The following KIF18A variants were observed in gnomAD, a reference collection of about 807,000 sequenced individuals.
The protein encoded by KIF18A is kinesin family member 18A.
Under a neutral mutation model 103.3 loss-of-function variants are expected in KIF18A, and 67 were observed. The ratio of observed to expected loss-of-function variants is 0.65; its 90% CI spans 0.53 to 0.79. The LOEUF (loss-of-function observed/expected upper bound fraction) is 0.79, where lower values mean the gene tolerates loss of function less well. Ranked by LOEUF, KIF18A falls within the 30% of genes least tolerant of loss-of-function variation. KIF18A has a pLI of 0.00. For missense variants in KIF18A, 1,032 were observed against 1,062.5 expected (o/e 0.97, Z 0.40); for synonymous variants, 367 against 355.5 (o/e 1.03, Z -0.36).
intron 15 of KIF18A, 101 bp from the exon 16 acceptor site, chr11:28,023,951 A>C (rs781324900): frequency 2.0e-5 from 11 of 542,498 alleles, no homozygotes; most frequent in Admixed American, 3.5e-5. Flanking sequence ...ATAAAACACA[A>C]AAATATTAAG....
At chr11:28,023,701 A>G (rs1450092175) in intron 16 of KIF18A, 40 bp downstream of exon 16, 4 of 1,118,998 alleles carry the variant, frequency 3.6e-6, no homozygotes, top group Middle Eastern at 2.0e-4. Flanking sequence ...TGTGTTACAG[A>G]GTCATACCAT....
chr11:28,035,550 G>T, intron 14 of KIF18A, 56 bp from the exon 15 acceptor site: 1 of 1,036,936 alleles, frequency 9.6e-7, no homozygotes. Flanking sequence ...ACTATGAAGA[G>T]AAAAGGAAGC....
At chr11:28,097,494 AATTTC>A (rs1851389530) in intron 2 of KIF18A, 124 bp downstream of exon 2, 1 of 705,502 alleles carries the variant, frequency 1.4e-6, no homozygotes, top group African/African-American at 1.8e-5. Context: ...AAGTCTATTG[AATTTC>A]TTAAGAATTT....
chr11:28,051,819 G>A (rs890966016), intron 13 of KIF18A, among the ~76,000 whole-genome samples: 1 of 151,850 alleles, frequency 6.6e-6, no homozygotes, highest in Non-Finnish European at 1.5e-5. Context: ...CTTCTCTCCT[G>A]AACTTCAGAT....
chr11:28,101,172 C>G (rs1351244388), intron 1 of KIF18A, among the ~76,000 whole-genome samples: 1 of 152,016 alleles, frequency 6.6e-6, no homozygotes, highest in Non-Finnish European at 1.5e-5. Flanking sequence ...TAGAACTGCC[C>G]TATTAGAGGA....
At chr11:28,087,590 GGC>G (rs1404526567) in intron 6 of KIF18A, among the ~76,000 whole-genome samples, 2 of 151,874 alleles carry the variant, frequency 1.3e-5, no homozygotes, top group Non-Finnish European at 2.9e-5. Flanking sequence ...TAATTCTTTG[GGC>G]GTATATACCC....
rs1215472953 is a variant in KIF18A, at chr11:28,082,975, G to A, written c.1150-7C>T. On this transcript the variant is annotated splice_polypyrimidine_tract_variant and splice_region_variant and intron_variant, in intron 8 of 16. Transcript: ENST00000263181. ...TTTCTTTTAACAATAAAATCTAGTA[G>A]AGAGAAATCACTAGTTAAAATACAA... 6.5e-7 allele frequency: 1 copy of A among 1,531,260 alleles called. No individual in the cohort carries two copies. 94.9% of individuals were successfully genotyped at this position (1,531,260 alleles called of 1,614,324 possible).
intron 1 of KIF18A, among the ~76,000 whole-genome samples, chr11:28,103,791 C>T (rs1258184148): frequency 6.6e-6 from 1 of 151,714 alleles, no homozygotes; most frequent in African/African-American, 2.4e-5. Context: ...CAATAGTTGA[C>T]AACAACAGGC....
At chr11:28,104,862 T>C (rs931865742) in intron 1 of KIF18A, among the ~76,000 whole-genome samples, 11 of 152,174 alleles carry the variant, frequency 7.2e-5, no homozygotes, top group Non-Finnish European at 1.5e-4. Flanking sequence ...TATATGTATA[T>C]GCATGGTCAT....
At chr11:28,096,994 G>A (rs1851384310) in intron 2 of KIF18A, among the ~76,000 whole-genome samples, 1 of 151,894 alleles carries the variant, frequency 6.6e-6, no homozygotes, top group Non-Finnish European at 1.5e-5. Flanking sequence ...TAATTAACAT[G>A]GGATCTTAAC....
At chr11:28,048,336 C>T (rs770480154) in intron 13 of KIF18A, among the ~76,000 whole-genome samples, 5 of 152,004 alleles carry the variant, frequency 3.3e-5, no homozygotes, top group African/African-American at 4.8e-5. Context: ...AATGGGGTGT[C>T]GCTTGTAATA....
chr11:28,061,244 T>C (rs746344612), intron 12 of KIF18A, among the ~76,000 whole-genome samples: 7 of 152,202 alleles, frequency 4.6e-5, no homozygotes, highest in Non-Finnish European at 2.9e-5. Context: ...AATCTATTTT[T>C]ATATAAGAAA....
At position 28,090,785 on chromosome 11, in the gene KIF18A, T is replaced by G. The variant is rs898942519; in HGVS notation, c.589-58A>C. 1.1e-5 allele frequency: 9 copies of G among 802,362 alleles called. No homozygotes were observed. The African/African-American group carries it at 1.6e-4, about 14-fold the overall frequency. 49.7% of individuals were successfully genotyped at this position (802,362 alleles called of 1,614,324 possible). On this transcript the variant is annotated intron_variant, in intron 4 of 16. Coordinates refer to ENST00000263181, the MANE Select transcript of KIF18A (RefSeq NM_031217.4). ...AATCAGCAATATATCTTTAAATTTT[T>G]CAATAAATGTTCAAAAAACAAAAAG...
chr11:28,088,616 CG>C lies in KIF18A; in HGVS notation c.804del (p.Gly269ValfsTer8), dbSNP rs771773713. On this transcript the variant is annotated frameshift_variant, in exon 6 of 17. Coordinates refer to ENST00000263181, the MANE Select transcript of KIF18A (RefSeq NM_031217.4). LOFTEE classifies it high-confidence loss of function. The stretch of plus-strand genomic sequence containing the variant: ...TCTACAAATCGGGTCCCCTTAGCAC[CG>C]GAAGTACTTGCTCGCTCAGATCCTG... ...DLAGSERAST[S>X]GAKGTRFVEG... 1 of 1,613,906 alleles carries C rather than the reference CG, an allele frequency of 6.2e-7. No individual in the cohort carries two copies. The highest frequency in any genetic ancestry group is 1.1e-5 in the South Asian group (1 of 91,070).
chr11:28,068,885 C>T (rs992741885), intron 11 of KIF18A, among the ~76,000 whole-genome samples: 1 of 152,088 alleles, frequency 6.6e-6, no homozygotes. Flanking sequence ...AAAATAAAAC[C>T]TTTTGCCATT....
Position 28,077,145 on chromosome 11 carries a change from C to T in KIF18A, c.1287G>A (p.Leu429=). The change falls in exon 10 of 17, where the codon TTG becomes TTA. Residue 429 remains leucine (L), a synonymous_variant. Transcript: ENST00000263181. ...GTCTAATTTCTTCTCGATTCTGGAA[C>T]AAGCAGTTCAGGATTTCTTGAAACC... ...IERFQEILNC[L]FQNREEIRQE... 6.3e-7 allele frequency: 1 copy of T among 1,575,818 alleles called. No homozygotes were observed. The highest frequency in any genetic ancestry group is 2.3e-5 in the East Asian group (1 of 43,622).
intron 15 of KIF18A, among the ~76,000 whole-genome samples, chr11:28,030,836 A>G (rs1850390300): frequency 6.7e-6 from 1 of 150,206 alleles, no homozygotes; most frequent in Non-Finnish European, 1.5e-5. Flanking sequence ...AATTTACAAG[A>G]AAAAAACAAA....
At chr11:28,050,449 T>C (rs1437048662) in intron 13 of KIF18A, among the ~76,000 whole-genome samples, 1 of 151,870 alleles carries the variant, frequency 6.6e-6, no homozygotes, top group African/African-American at 2.4e-5. Context: ...AGATTTCCTA[T>C]CTTTCAAATG....
At chr11:28,063,613 G>A (rs555534821) in intron 11 of KIF18A, among the ~76,000 whole-genome samples, 6 of 151,532 alleles carry the variant, frequency 4.0e-5, no homozygotes, top group East Asian at 1.9e-4. Flanking sequence ...ATCAGCGAAG[G>A]GATTACACCA....
Sources: allele counts gnomAD v4.1 joint callset (sites outside exome capture counted in the v4.1 genomes callset), GRCh38; gene constraint gnomAD v4.1.1; transcripts MANE v1.5; gene names NCBI Gene and HGNC (gene_info 2026-07-23, HGNC 2026-07-21).